Variants in RARB observed in about 807,000 individuals in gnomAD.
The protein encoded by RARB is retinoic acid receptor beta.
A neutral mutation model predicts 51.9 loss-of-function variants in RARB; 17 were observed. The observed-to-expected ratio is 0.33, with a 90% CI of 0.22 to 0.49. The LOEUF (loss-of-function observed/expected upper bound fraction) is 0.49, where lower values mean the gene tolerates loss of function less well. Ranked by LOEUF, RARB falls within the 20% of genes least tolerant of loss-of-function variation. RARB has a pLI of 0.99. For missense variants in RARB, 369 were observed against 550.8 expected (o/e 0.67, Z 3.30); for synonymous variants, 215 against 195.4 (o/e 1.10, Z -0.84).
intron 2 of RARB, among the ~76,000 whole-genome samples, chr3:24,962,523 G>C (rs1456132027): frequency 6.6e-6 from 1 of 152,302 alleles, no homozygotes; most frequent in East Asian, 1.9e-4. Flanking sequence ...ACCGATACCA[G>C]TCCATGGCCT....
At chr3:25,379,538 T>C (rs1243000542) in intron 5 of RARB, among the ~76,000 whole-genome samples, 1 of 152,218 alleles carries the variant, frequency 6.6e-6, no homozygotes, top group East Asian at 1.9e-4. Flanking sequence ...TAACGTGCTA[T>C]GCAAATGTGT....
At chr3:24,865,499 T>G (rs1390845027) in intron 2 of RARB, among the ~76,000 whole-genome samples, 1 of 152,138 alleles carries the variant, frequency 6.6e-6, no homozygotes, top group Non-Finnish European at 1.5e-5. Context: ...AATAACAATG[T>G]CATGTAACAG....
intron 5 of RARB, among the ~76,000 whole-genome samples, chr3:25,308,559 G>C (rs141090500): frequency 1.3e-5 from 2 of 149,868 alleles, no homozygotes; most frequent in Admixed American, 1.3e-4. Flanking sequence ...AGCGATTCTC[G>C]TGCCTCAGCC....
intron 4 of RARB, among the ~76,000 whole-genome samples, chr3:25,135,146 T>A (rs552813164): frequency 1.3e-5 from 2 of 151,846 alleles, no homozygotes; most frequent in Non-Finnish European, 2.9e-5. Flanking sequence ...TCTGGGGTGG[T>A]AGAAATTGTT....
intron 1 of RARB, among the ~76,000 whole-genome samples, chr3:25,460,663 G>A (rs554898082): frequency 6.6e-6 from 1 of 152,058 alleles, no homozygotes; most frequent in African/African-American, 2.4e-5. Flanking sequence ...GGCCAGGCTG[G>A]TCTCAAACTC....
At chr3:24,987,196 A>C (rs1696812123) in intron 2 of RARB, among the ~76,000 whole-genome samples, 1 of 152,156 alleles carries the variant, frequency 6.6e-6, no homozygotes, top group South Asian at 2.1e-4. Context: ...AGATAAACTT[A>C]ATCACCTGCT....
chr3:25,490,355 G>T (rs951584653), intron 2 of RARB, among the ~76,000 whole-genome samples: 1 of 152,144 alleles, frequency 6.6e-6, no homozygotes, highest in Non-Finnish European at 1.5e-5. Context: ...AATTATTTGG[G>T]TCTGTGAGAG....
At chr3:25,362,817 T>A (rs1290579974) in intron 5 of RARB, among the ~76,000 whole-genome samples, 4 of 152,064 alleles carry the variant, frequency 2.6e-5, no homozygotes, top group Admixed American at 2.6e-4. Context: ...GTCTAACCAG[T>A]CCCAGTGAGA....
chr3:25,258,985 G>T (rs1379936300), intron 5 of RARB: 2 of 974,120 alleles, frequency 2.1e-6, no homozygotes, highest in African/African-American at 3.5e-5. Context: ...CCTGAGTTTT[G>T]CTGGGGACAA....
chr3:25,507,895 C>T (rs59737792), intron 3 of RARB, among the ~76,000 whole-genome samples: 6,278 of 152,106 alleles, frequency 0.041, 279 homozygotes, highest in African/African-American at 0.11. Context: ...GACTGGGTGC[C>T]CCTACCCTGT....
chr3:25,155,391 A>G (rs563643287), intron 4 of RARB, among the ~76,000 whole-genome samples: 1 of 152,098 alleles, frequency 6.6e-6, no homozygotes, highest in Non-Finnish European at 1.5e-5. Flanking sequence ...TTCCTCCCTT[A>G]CTGTCTTCCC....
intron 1 of RARB, among the ~76,000 whole-genome samples, chr3:25,437,702 G>A (rs145010929): frequency 2.7e-4 from 41 of 152,222 alleles, no homozygotes; most frequent in Non-Finnish European, 5.0e-4. Context: ...ACAGTGGAGC[G>A]GGCGTGAAGT....
chr3:24,950,865 C>CATTT (rs1313795748), intron 2 of RARB, among the ~76,000 whole-genome samples: 2 of 152,084 alleles, frequency 1.3e-5, no homozygotes, highest in Admixed American at 6.5e-5. Flanking sequence ...CATCAACGTG[C>CATTT]CTGGCATAGA....
At chr3:25,404,938 T>C (rs1287828567) in intron 5 of RARB, among the ~76,000 whole-genome samples, 5 of 152,208 alleles carry the variant, frequency 3.3e-5, no homozygotes, top group African/African-American at 1.2e-4. Flanking sequence ...GCATTTATTC[T>C]ATCCTTTTTT....
At chr3:25,178,496 A>G (rs1289073543) in intron 5 of RARB, among the ~76,000 whole-genome samples, 2 of 152,104 alleles carry the variant, frequency 1.3e-5, no homozygotes, top group Non-Finnish European at 2.9e-5. Flanking sequence ...TTACATAACC[A>G]GTTAATGTTG....
At chr3:24,926,104 C>T (rs889094948) in intron 2 of RARB, among the ~76,000 whole-genome samples, 2 of 152,078 alleles carry the variant, frequency 1.3e-5, no homozygotes, top group Non-Finnish European at 2.9e-5. Flanking sequence ...CATATTTTTA[C>T]AATTTCGTTT....
intron 3 of RARB, among the ~76,000 whole-genome samples, chr3:25,083,441 ATTTTT>A (rs35576762): frequency 6.6e-6 from 1 of 151,388 alleles, no homozygotes; most frequent in Non-Finnish European, 1.5e-5. Context: ...TCATCCAGTG[ATTTTT>A]TTTTTTCCAG....
intron 2 of RARB, among the ~76,000 whole-genome samples, chr3:24,967,519 G>A (rs757739904): frequency 1.3e-5 from 2 of 152,008 alleles, no homozygotes; most frequent in East Asian, 1.9e-4. Flanking sequence ...GTGTTTCTCC[G>A]ACATGCATGC....
At chr3:24,915,350 C>A (rs1437027412) in intron 2 of RARB, among the ~76,000 whole-genome samples, 4 of 152,098 alleles carry the variant, frequency 2.6e-5, no homozygotes, top group African/African-American at 7.2e-5. Context: ...TAACACAAAT[C>A]ATATTAAAAT....
Sources: allele counts gnomAD v4.1 joint callset (sites outside exome capture counted in the v4.1 genomes callset), GRCh38; gene constraint gnomAD v4.1.1; transcripts MANE v1.5; gene names NCBI Gene and HGNC (gene_info 2026-07-23, HGNC 2026-07-21).